Variants in HINT1 observed in about 807,000 individuals in gnomAD.
HINT1 encodes the protein adenosine 5'-monophosphoramidase HINT1.
Under a neutral mutation model 11.2 loss-of-function variants are expected in HINT1, and 12 were observed. The observed-to-expected ratio is 1.07, with a 90% CI of 0.69 to 1.74. The LOEUF (loss-of-function observed/expected upper bound fraction) is 1.74, where lower values mean the gene tolerates loss of function less well. HINT1 is among the 40% of genes most tolerant of loss of function. HINT1 has a pLI of 0.00. For missense variants in HINT1, 150 were observed against 161.8 expected (o/e 0.93, Z 0.40); for synonymous variants, 42 against 52.6 (o/e 0.80, Z 0.87).
At chr5:131,164,614 T>C (rs986576272) in intron 1 of HINT1, among the ~76,000 whole-genome samples, 1 of 152,116 alleles carries the variant, frequency 6.6e-6, no homozygotes, top group African/African-American at 2.4e-5. Context: ...CACAATGCCT[T>C]GCTGAGCAGC....
chr5:131,165,166 C>T lies in HINT1; in HGVS notation c.40G>A (p.Gly14Ser). Residue 14 changes from glycine (G) to serine (S), a missense_variant, in exon 1 of 3, where the codon GGT becomes AGT. Coordinates refer to ENST00000304043, the MANE Select transcript of HINT1 (RefSeq NM_005340.7). ...EIAKAQVARP[G>S]GDTIFGKIIR... ...ATCTTCCCAAAGATCGTGTCGCCACCAGGCCGAGCGACCTGAGCCTTGGCA... is the reference window on the plus strand; with the variant it reads ...ATCTTCCCAAAGATCGTGTCGCCACTAGGCCGAGCGACCTGAGCCTTGGCA... 2.5e-6 allele frequency: 4 copies of T among 1,611,272 alleles called. No homozygotes were observed. Among genetic ancestry groups the T allele is most frequent in the Non-Finnish European group, 3.4e-6 (4 of 1,179,928 alleles).
chr5:131,162,384 A>G (rs1391909163), intron 2 of HINT1, 188 bp downstream of exon 2: 2 of 1,180,160 alleles, frequency 1.7e-6, no homozygotes, highest in African/African-American at 3.0e-5. Context: ...ACGCTCATTC[A>G]TTGCTGGTGG....
chr5:131,159,681 C>T, intron 2 of HINT1, 70 bp from the exon 3 acceptor site: 2 of 1,408,730 alleles, frequency 1.4e-6, no homozygotes, highest in Non-Finnish European at 2.0e-6. Flanking sequence ...AACAAACTGT[C>T]AAGCTGAAAT....
intron 2 of HINT1, chr5:131,160,554 G>A (rs1054632241): frequency 3.8e-6 from 1 of 265,718 alleles, no homozygotes; most frequent in African/African-American, 2.3e-5. Context: ...TCAGGAAAGG[G>A]AACTCCTTTA....
chr5:131,160,890 G>A (rs1200231541), intron 2 of HINT1: 1 of 453,908 alleles, frequency 2.2e-6, no homozygotes, highest in African/African-American at 2.0e-5. Context: ...CCCAACTGTA[G>A]GTTAACGTTA....
chr5:131,162,411 G>C (rs746686410), intron 2 of HINT1, 161 bp downstream of exon 2: 2 of 1,458,444 alleles, frequency 1.4e-6, no homozygotes, highest in South Asian at 2.4e-5. Flanking sequence ...AAATGATGCA[G>C]TAACTTTGGA....
chr5:131,162,728 G>T, intron 1 of HINT1, 52 bp from the exon 2 acceptor site: 2 of 1,213,486 alleles, frequency 1.6e-6, no homozygotes, highest in Non-Finnish European at 2.4e-6. Context: ...ATATTGGTAG[G>T]ATAAAACTTA....
At position 131,165,121 on chromosome 5, in the gene HINT1, C is replaced by T; in HGVS notation, c.85G>A (p.Ala29Thr). The T allele has an allele frequency of 1.2e-6, 2 of 1,613,482 alleles. No individual in the cohort carries two copies. The change falls in exon 1 of 3, where the codon GCC (alanine) becomes ACC (threonine). Residue 29 changes from alanine (A) to threonine (T), a missense_variant. Ala to Thr is a moderately conservative substitution (Grantham distance 58, BLOSUM62 0). Coordinates refer to ENST00000304043, the MANE Select transcript of HINT1 (RefSeq NM_005340.7). ...FGKIIRKEIP[A>T]KIIFEDDRCL... is the part of the protein sequence containing the mutation. Reference sequence around the variant, plus strand: ...CGGTCATCCTCAAAAATGATTTTGGCTGGTATTTCCTTGCGGATGATCTTC... The same window carrying T: ...CGGTCATCCTCAAAAATGATTTTGGTTGGTATTTCCTTGCGGATGATCTTC...
chr5:131,159,766 T>C (rs1439213975), intron 2 of HINT1, among the ~76,000 whole-genome samples, 155 bp from the exon 3 acceptor site: 4 of 152,250 alleles, frequency 2.6e-5, no homozygotes, highest in Non-Finnish European at 5.9e-5. Flanking sequence ...CAACAGAGCA[T>C]AATCTACAAC....
intron 2 of HINT1, chr5:131,160,615 C>G (rs1755225338): frequency 2.8e-6 from 2 of 725,210 alleles, no homozygotes; most frequent in African/African-American, 1.9e-5. Flanking sequence ...ATTTCTATTC[C>G]CATTACCTTA....
chr5:131,160,183 TG>T (rs1259443970), intron 2 of HINT1, among the ~76,000 whole-genome samples: 2 of 146,094 alleles, frequency 1.4e-5, no homozygotes, highest in African/African-American at 5.6e-5. Context: ...TTCCAAGTGC[TG>T]TTTTAAGTTT....
At chr5:131,159,725 C>T in intron 2 of HINT1, 114 bp from the exon 3 acceptor site, 1 of 935,158 alleles carries the variant, frequency 1.1e-6, no homozygotes, top group East Asian at 2.6e-5. Context: ...AAACACAACC[C>T]TTTGAGCAAA....
intron 2 of HINT1, among the ~76,000 whole-genome samples, chr5:131,161,665 C>T (rs1337381955): frequency 6.6e-6 from 1 of 151,582 alleles, no homozygotes. Context: ...CGGTATTTTA[C>T]CATTAAGTAC....
chr5:131,162,518 T>G (rs1286603708), intron 2 of HINT1, 54 bp downstream of exon 2: 1 of 1,608,328 alleles, frequency 6.2e-7, no homozygotes, highest in South Asian at 1.1e-5. Context: ...AAGGACAAAA[T>G]TAATCTCACA....
At position 131,159,497 on chromosome 5, in the gene HINT1, C is replaced by T. The variant is rs147406252; in HGVS notation, c.331G>A (p.Val111Ile). The change falls in exon 3 of 3, where the codon GTT becomes ATT. Residue 111 changes from valine to isoleucine, a missense_variant. Val to Ile is a conservative substitution (Grantham distance 29). Transcript: ENST00000304043. ...CGACCTCCAAGAACATGGAGATGAA[C>T]GTGATAGACAGACTGTCCACCATCT... Reference protein sequence around the residue: ...GSDGGQSVYHVHLHVLGGRQM... With the variant: ...GSDGGQSVYHIHLHVLGGRQM... 28 of 1,613,274 alleles carry T rather than the reference C, an allele frequency of 1.7e-5. No homozygotes were observed. The highest frequency in any genetic ancestry group is 5.0e-5 in the Admixed American group (3 of 59,988).
At position 131,159,288 on chromosome 5, in the gene HINT1, T is replaced by C; in HGVS notation, c.*159A>G. On this transcript the variant is annotated 3_prime_UTR_variant, in exon 3 of 3. Transcript: ENST00000304043. ...AATCAAACGCAACACTCAGAGAGAC[T>C]ATAAGCCATGCAACAATGTCTTTTA... 1 of 570,612 alleles carries C rather than the reference T, an allele frequency of 1.8e-6. No homozygotes were observed. Among genetic ancestry groups the C allele is most frequent in the Non-Finnish European group, 3.1e-6 (1 of 320,628 alleles). 35.3% of individuals were successfully genotyped at this position (570,612 alleles called of 1,614,324 possible).
intron 2 of HINT1, 39 bp from the exon 3 acceptor site, chr5:131,159,650 T>C: frequency 2.5e-6 from 4 of 1,575,652 alleles, no homozygotes; most frequent in Non-Finnish European, 3.5e-6. Flanking sequence ...ACAGGCAATT[T>C]ATTACTTCTT....
chr5:131,161,601 A>C (rs1432046736), intron 2 of HINT1, among the ~76,000 whole-genome samples: 1 of 152,100 alleles, frequency 6.6e-6, no homozygotes, highest in East Asian at 1.9e-4. Flanking sequence ...GTCTCAAAAA[A>C]AAAAAAAAAA....
At chr5:131,162,909 C>T (rs1436096721) in intron 1 of HINT1, among the ~76,000 whole-genome samples, 2 of 152,006 alleles carry the variant, frequency 1.3e-5, no homozygotes, top group African/African-American at 4.8e-5. Context: ...ATGATCTCAG[C>T]TCACTGCAAC....
Sources: allele counts gnomAD v4.1 joint callset (sites outside exome capture counted in the v4.1 genomes callset), GRCh38; gene constraint gnomAD v4.1.1; transcripts MANE v1.5; gene names NCBI Gene and HGNC (gene_info 2026-07-23, HGNC 2026-07-21).